TMEM39B: variants seen among roughly 807,000 people sequenced by gnomAD.
TMEM39B encodes the protein transmembrane protein 39B.
In TMEM39B, 23 loss-of-function variants were observed where a neutral mutation model predicts 52.2. The ratio of observed to expected loss-of-function variants is 0.44; its 90% confidence interval spans 0.32 to 0.62. The LOEUF is 0.62. TMEM39B is among the 20% of genes least tolerant of loss of function. The probability of loss-of-function intolerance (pLI) is 0.06; values close to 1 mark genes in which losing one functional copy is unlikely to be tolerated. For synonymous variants in TMEM39B, 285 were observed against 264.0 expected (o/e 1.08, Z -0.77); for missense variants, 547 against 642.0 (o/e 0.85, Z 1.60).
intron 5 of TMEM39B, among the ~76,000 whole-genome samples, chr1:32,080,654 A>C (rs1391656674): frequency 6.7e-6 from 1 of 149,732 alleles, no homozygotes; most frequent in East Asian, 2.0e-4. Context: ...CAGCCTGGGC[A>C]ACAGAGTGAG....
rs116700785 is a variant in TMEM39B, at chr1:32,090,335, C to T, written c.591-1340C>T. 5.5e-3 allele frequency among the ~76,000 whole-genome samples: 833 copies of T among 152,252 alleles called. 12 individuals are homozygous for T. The highest frequency in any genetic ancestry group is 0.019 in the African/African-American group (803 of 41,566). ...AAAGGATTTGTTCTGTTCAAGGGCCCATTTCAGTGCCTGGTACGTAATAAA... is the reference window on the plus strand; with the variant it reads ...AAAGGATTTGTTCTGTTCAAGGGCCTATTTCAGTGCCTGGTACGTAATAAA... On this transcript the variant is annotated intron_variant, in intron 5 of 8. Coordinates refer to ENST00000336294, the MANE Select transcript of TMEM39B (RefSeq NM_018056.4).
At chr1:32,076,535 G>A (rs914432973) in intron 3 of TMEM39B, 44 of 677,346 alleles carry the variant, frequency 6.5e-5, no homozygotes, top group Non-Finnish European at 9.5e-5. Flanking sequence ...CAGAGCAAGA[G>A]GGCTCACATA....
intron 7 of TMEM39B, among the ~76,000 whole-genome samples, chr1:32,099,106 A>T (rs1557442812): frequency 6.6e-6 from 1 of 152,066 alleles, no homozygotes; most frequent in Non-Finnish European, 1.5e-5. Flanking sequence ...CAGAAAAATT[A>T]GCCGGGCGTG....
In TMEM39B at chr1:32,072,963, G is replaced by C; in HGVS notation, c.-85G>C. The stretch of plus-strand genomic sequence containing the variant: ...TGATACCCGGGACTGGGCTGCGGCG[G>C]TTAGTCCTCTCCCGGCCGCCGTCGC... On this transcript the variant is annotated 5_prime_UTR_variant, in exon 1 of 9. Transcript: ENST00000336294. 6.6e-7 allele frequency: 1 copy of C among 1,511,034 alleles called. No individual in the cohort carries two copies. Among genetic ancestry groups the C allele is most frequent in the Non-Finnish European group, 8.9e-7 (1 of 1,123,510 alleles). 93.6% of individuals were successfully genotyped at this position (1,511,034 alleles called of 1,614,324 possible). A position where few individuals can be genotyped will look rare whatever the true frequency, so the allele number is the denominator to read the frequency against.
intron 5 of TMEM39B, among the ~76,000 whole-genome samples, chr1:32,089,648 GA>G (rs1557431727): frequency 2.7e-5 from 4 of 149,022 alleles, no homozygotes; most frequent in South Asian, 4.3e-4. Flanking sequence ...AGTAAAAGGA[GA>G]TTTTTTTTTT....
chr1:32,093,806 T>TTTTTGTTTTG (rs528545796), intron 6 of TMEM39B, among the ~76,000 whole-genome samples: 1 of 151,262 alleles, frequency 6.6e-6, no homozygotes, highest in Non-Finnish European at 1.5e-5. Context: ...GGTTGCTTTT[T>TTTTTGTTTTG]TTTTGTTTTG....
Position 32,091,755 on chromosome 1 carries a change from G to A in TMEM39B, c.671G>A (p.Gly224Glu). The A allele has an allele frequency of 1.2e-6, 2 of 1,614,202 alleles. No individual in the cohort carries two copies. Among genetic ancestry groups the A allele is most frequent in the Non-Finnish European group, 1.7e-6 (2 of 1,180,032 alleles). ...CTCTTCAACCACATGGCCTCCATGG[G>A]GCCCCGGGAGGCGGTCAGTGGCCTG... ...TSLFNHMASM[G>E]PREAVSGLAK... is the part of the protein sequence containing the mutation. Residue 224 changes from glycine to glutamate, a missense_variant, in exon 6 of 9, where the codon GGG becomes GAG. Transcript: ENST00000336294.
intron 1 of TMEM39B, among the ~76,000 whole-genome samples, chr1:32,074,073 A>G (rs1639753746): frequency 6.6e-6 from 1 of 152,056 alleles, no homozygotes; most frequent in South Asian, 2.1e-4. Flanking sequence ...TTAGGTGCTT[A>G]GGAGCTTTGT....
At chr1:32,083,761 C>G (rs547523220) in intron 5 of TMEM39B, among the ~76,000 whole-genome samples, 108 of 152,198 alleles carry the variant, frequency 7.1e-4, no homozygotes, top group African/African-American at 2.5e-3. Flanking sequence ...CCCAGCTACT[C>G]AGGAGGCTAA....
At chr1:32,073,927 T>A in intron 1 of TMEM39B, 2 of 976,986 alleles carry the variant, frequency 2.0e-6, no homozygotes, top group Non-Finnish European at 2.4e-6. Flanking sequence ...TATATATTTT[T>A]TAATAGAGAC....
chr1:32,079,232 T>C (rs371585861), intron 5 of TMEM39B, among the ~76,000 whole-genome samples: 11 of 150,788 alleles, frequency 7.3e-5, no homozygotes, highest in African/African-American at 2.4e-4. Flanking sequence ...TCGCCCAGGC[T>C]GGAGTGCAGT....
chr1:32,074,678 G>A (rs1639777482), intron 1 of TMEM39B, among the ~76,000 whole-genome samples: 1 of 152,162 alleles, frequency 6.6e-6, no homozygotes, highest in African/African-American at 2.4e-5. Context: ...TTTCCAGATA[G>A]GATATTATAA....
intron 7 of TMEM39B, among the ~76,000 whole-genome samples, chr1:32,095,200 C>T (rs1640769057): frequency 1.3e-5 from 2 of 152,198 alleles, no homozygotes; most frequent in Non-Finnish European, 1.5e-5. Context: ...GATGGTAATT[C>T]ATGGACTTGT....
At chr1:32,102,284 C>A in intron 8 of TMEM39B, 147 bp from the exon 9 acceptor site, 1 of 1,084,798 alleles carries the variant, frequency 9.2e-7, no homozygotes, top group Non-Finnish European at 1.3e-6. Flanking sequence ...GCAAAGTCCA[C>A]ATCCAACCCC....
At chr1:32,089,819 C>T (rs1237892333) in intron 5 of TMEM39B, among the ~76,000 whole-genome samples, 1 of 151,622 alleles carries the variant, frequency 6.6e-6, no homozygotes, top group East Asian at 1.9e-4. Context: ...GGGTGGAGGT[C>T]AGGAGTTCAA....
At chr1:32,087,645 ATC>A (rs991294038) in intron 5 of TMEM39B, 11 of 147,014 alleles carry the variant, frequency 7.5e-5, no homozygotes, top group Non-Finnish European at 1.5e-4. Flanking sequence ...TAATAATTTC[ATC>A]TCTCTTTTTT....
At chr1:32,096,703 C>G (rs1221189978) in intron 7 of TMEM39B, among the ~76,000 whole-genome samples, 2 of 152,080 alleles carry the variant, frequency 1.3e-5, no homozygotes, top group Non-Finnish European at 1.5e-5. Context: ...TCAGGTGATT[C>G]ACTCGTCCTG....
In TMEM39B at chr1:32,076,839, T is replaced by C; in HGVS notation, c.428T>C (p.Val143Ala). The C allele has an allele frequency of 6.2e-7, 1 of 1,614,080 alleles. No homozygotes were observed. The highest frequency in any genetic ancestry group is 1.3e-5 in the African/African-American group (1 of 75,018). ...GGCCGCCGCTTCATTGGGTCCATCG[T>C]GAAGGAGGTGATTGGGTCCTAGAGG... is the stretch of plus-strand genomic sequence containing the variant. ...VLGRRFIGSI[V>A]KEASQRGKVS... The change falls in exon 4 of 9, where the codon GTG becomes GCG. Residue 143 changes from valine (V) to alanine (A), a missense_variant. Val to Ala is a moderately conservative substitution (Grantham distance 64). Coordinates refer to ENST00000336294, the MANE Select transcript of TMEM39B (RefSeq NM_018056.4).
At chr1:32,082,817 C>T (rs755118735) in intron 5 of TMEM39B, among the ~76,000 whole-genome samples, 10 of 151,772 alleles carry the variant, frequency 6.6e-5, no homozygotes, top group Non-Finnish European at 1.5e-4. Flanking sequence ...CTCTGTCGCC[C>T]AGGCTGTAGT....
Sources: gnomAD v4.1 joint callset for allele counts (sites outside exome capture counted in the v4.1 genomes callset) on GRCh38, gnomAD v4.1.1 for gene constraint, MANE v1.5 for transcripts, NCBI Gene and HGNC (gene_info 2026-07-23, HGNC 2026-07-21) for gene names.